Variants in CCBE1 observed in about 807,000 individuals in gnomAD.
The protein encoded by CCBE1 is collagen and calcium binding EGF domains 1.
In CCBE1, 37 loss-of-function variants were observed where a neutral mutation model predicts 50.0. The observed-to-expected ratio is 0.74, with a 90% CI of 0.57 to 0.97. CCBE1 has a LOEUF of 0.97. CCBE1 is among the 50% of genes least tolerant of loss of function. The pLI is 0.00. For synonymous variants in CCBE1, 234 were observed against 203.7 expected (o/e 1.15, Z -1.27); for missense variants, 538 against 523.8 (o/e 1.03, Z -0.26).
rs34847608 is a variant in CCBE1, at chr18:59,613,863, GTTTTTTTTTTTTT to G, written c.212+82753_212+82765del. On this transcript the variant is annotated intron_variant, in intron 2 of 10. Coordinates refer to ENST00000439986, the MANE Select transcript of CCBE1 (RefSeq NM_133459.4). The stretch of plus-strand genomic sequence containing the variant: ...GCACAAAGATGTTTTTCTCTGATGG[GTTTTTTTTTTTTT>G]TTTTTTTTTTGGCAGGGGGAGACAG... Among the ~76,000 whole-genome samples, 10 of 98,442 alleles carry G rather than the reference GTTTTTTTTTTTTT, an allele frequency of 1.0e-4. No individual in the cohort carries two copies. The Admixed American group carries it at 1.1e-3, about 11-fold the overall frequency. 64.6% of individuals were successfully genotyped at this position (98,442 alleles called of 152,430 possible). A position where few individuals can be genotyped will look rare whatever the true frequency, so the allele number is the denominator to read the frequency against.
chr18:59,607,810 C>T (rs919540256), intron 2 of CCBE1, among the ~76,000 whole-genome samples: 14 of 152,216 alleles, frequency 9.2e-5, no homozygotes, highest in African/African-American at 3.4e-4. Flanking sequence ...CGCAGTGGCT[C>T]ACTCCTGTAA....
intron 2 of CCBE1, among the ~76,000 whole-genome samples, chr18:59,569,305 CGAT>C (rs1568211461): frequency 6.6e-6 from 1 of 152,124 alleles, no homozygotes; most frequent in African/African-American, 2.4e-5. Context: ...CACCTGATGC[CGAT>C]TTTACTAGCA....
chr18:59,622,900 C>T (rs952999612), intron 2 of CCBE1, among the ~76,000 whole-genome samples: 34 of 150,790 alleles, frequency 2.3e-4, no homozygotes, highest in Admixed American at 1.7e-3. Flanking sequence ...GAAAATTTTT[C>T]GGACAGAGGA....
intron 2 of CCBE1, among the ~76,000 whole-genome samples, chr18:59,509,375 G>A (rs899816186): frequency 1.3e-5 from 2 of 152,074 alleles, no homozygotes; most frequent in Non-Finnish European, 2.9e-5. Context: ...TAGCAATCTA[G>A]TCTGATCAAG....
chr18:59,478,729 G>T (rs1912429865), intron 3 of CCBE1, among the ~76,000 whole-genome samples: 1 of 152,172 alleles, frequency 6.6e-6, no homozygotes, highest in African/African-American at 2.4e-5. Context: ...TAAACCAAAG[G>T]GGCTAAACTT....
At position 59,477,853 on chromosome 18, in the gene CCBE1, C is replaced by T. The variant is rs72629868; in HGVS notation, c.265+2333G>A. Among the ~76,000 whole-genome samples, 499 of 152,240 alleles carry T rather than the reference C, an allele frequency of 3.3e-3. 10 individuals are homozygous for T. In the East Asian group the frequency reaches 0.079, roughly 24 times the overall value. ...AGATTAGGTATGGTTTAAGAAGATG[C>T]ATATGGGTGCCAAGTTGACAAGGCA... On this transcript the variant is annotated intron_variant, in intron 3 of 10. Coordinates refer to ENST00000439986, the MANE Select transcript of CCBE1 (RefSeq NM_133459.4).
chr18:59,494,942 C>A (rs1913278026), intron 2 of CCBE1, among the ~76,000 whole-genome samples: 1 of 152,086 alleles, frequency 6.6e-6, no homozygotes, highest in East Asian at 1.9e-4. Flanking sequence ...TCACTTGAGG[C>A]CAGGAGTCTG....
rs555160847 is a variant in CCBE1 at position 59,550,998 on chromosome 18, C to CAAAAAA, written c.213-70766_213-70761dup. The stretch of plus-strand genomic sequence containing the variant: ...CCAGCCTGGGCAACACAGCGAGACT[C>CAAAAAA]AAAAAAAAAAAAAAAAAAAAAAAAA... On this transcript the variant is annotated intron_variant, in intron 2 of 10. Transcript: ENST00000439986. Among the ~76,000 whole-genome samples the CAAAAAA allele has an allele frequency of 8.7e-3, 618 of 71,338 alleles. 4 individuals carry two copies. Among genetic ancestry groups the CAAAAAA allele is most frequent in the Middle Eastern group, 0.023 (2 of 86 alleles). The allele number at this position is 71,338 out of a possible 152,430, so 46.8% of individuals were successfully genotyped here. A position where few individuals can be genotyped will look rare whatever the true frequency, so the allele number is the denominator to read the frequency against.
chr18:59,695,078 G>C (rs1156947693), intron 2 of CCBE1, among the ~76,000 whole-genome samples: 1 of 152,184 alleles, frequency 6.6e-6, no homozygotes, highest in East Asian at 1.9e-4. Context: ...AAACAATCAG[G>C]CACCAAATGG....
chr18:59,696,778 G>A, intron 1 of CCBE1, 69 bp from the exon 2 acceptor site: 3 of 1,531,568 alleles, frequency 2.0e-6, no homozygotes, highest in Non-Finnish European at 1.8e-6. Flanking sequence ...GCGCGCTGGG[G>A]AATCCCTGGC....
chr18:59,625,407 G>A (rs2053768376), intron 2 of CCBE1, among the ~76,000 whole-genome samples: 1 of 142,104 alleles, frequency 7.0e-6, no homozygotes, highest in South Asian at 2.2e-4. Flanking sequence ...CTCCAGCCTG[G>A]GCTACAGAGT....
intron 2 of CCBE1, among the ~76,000 whole-genome samples, chr18:59,560,913 CAA>C (rs2052727189): frequency 6.6e-6 from 1 of 152,198 alleles, no homozygotes; most frequent in Non-Finnish European, 1.5e-5. Flanking sequence ...AGCAGAGTTA[CAA>C]AAAGTCTTGA....
At position 59,444,476 on chromosome 18, in the gene CCBE1, C is replaced by T. The variant is rs572546906; in HGVS notation, c.775+3507G>A. ...CATTTTACATTCACACCAACAGTGC[C>T]CAGGGTTCCAATTTTTCCATATCCT... On this transcript the variant is annotated intron_variant, in intron 7 of 10. Transcript: ENST00000439986. 4.0e-5 allele frequency among the ~76,000 whole-genome samples: 6 copies of T among 151,802 alleles called. No homozygotes were observed. The East Asian group carries it at 7.8e-4, about 20-fold the overall frequency.
chr18:59,627,097 A>G (rs1028209109), intron 2 of CCBE1, among the ~76,000 whole-genome samples: 3 of 152,198 alleles, frequency 2.0e-5, no homozygotes, highest in Admixed American at 6.5e-5. Flanking sequence ...TAAAAATATA[A>G]AACAATCCAT....
At position 59,664,381 on chromosome 18, in the gene CCBE1, T is replaced by C. The variant is rs539593158; in HGVS notation, c.212+32248A>G. 3.9e-5 allele frequency among the ~76,000 whole-genome samples: 6 copies of C among 152,186 alleles called. No individual in the cohort carries two copies. In the South Asian group the frequency reaches 6.2e-4, roughly 16 times the overall value. ...GACATCAGAGAGAAAGGACAGTCCA[T>C]ATGTATGTGGCAACTGAGGATAAAG... is the stretch of plus-strand genomic sequence containing the variant. On this transcript the variant is annotated intron_variant, in intron 2 of 10. Coordinates refer to ENST00000439986, the MANE Select transcript of CCBE1 (RefSeq NM_133459.4).
chr18:59,643,567 G>C (rs2054017693), intron 2 of CCBE1, among the ~76,000 whole-genome samples: 1 of 152,180 alleles, frequency 6.6e-6, no homozygotes. Context: ...GGAAGGCCGA[G>C]GTGGATCACT....
intron 2 of CCBE1, among the ~76,000 whole-genome samples, chr18:59,680,126 C>T (rs2054565783): frequency 6.6e-6 from 1 of 152,006 alleles, no homozygotes; most frequent in Non-Finnish European, 1.5e-5. Context: ...GAGACTGAAG[C>T]AGGAGAGTCA....
At chr18:59,503,361 A>G (rs1039042330) in intron 2 of CCBE1, among the ~76,000 whole-genome samples, 6 of 152,158 alleles carry the variant, frequency 3.9e-5, no homozygotes, top group African/African-American at 1.4e-4. Context: ...CACAGAGGGC[A>G]TTATGCTACT....
At chr18:59,493,136 C>G (rs1913188243) in intron 2 of CCBE1, among the ~76,000 whole-genome samples, 1 of 152,180 alleles carries the variant, frequency 6.6e-6, no homozygotes, top group African/African-American at 2.4e-5. Context: ...ATTAATGGGA[C>G]AGTCTTAAAG....
Sources: allele counts gnomAD v4.1 joint callset (sites outside exome capture counted in the v4.1 genomes callset), GRCh38; gene constraint gnomAD v4.1.1; transcripts MANE v1.5; gene names NCBI Gene and HGNC (gene_info 2026-07-23, HGNC 2026-07-21).